Variants in MRPS28 observed in about 807,000 individuals in gnomAD.
MRPS28 encodes the protein mitochondrial ribosomal protein S28, also known as small ribosomal subunit protein bS1m.
Under a neutral mutation model 10.8 loss-of-function variants are expected in MRPS28, and 7 were observed. The observed-to-expected ratio is 0.65, with a 90% CI of 0.37 to 1.22. The LOEUF is 1.22. Among genes scored for constraint, MRPS28 ranks in the 50% most tolerant of loss-of-function variants. The pLI is 0.02. For missense variants in MRPS28, 265 were observed against 232.9 expected, an observed-to-expected ratio of 1.14 and a Z score of -0.90; for synonymous variants, 121 against 93.3, an observed-to-expected ratio of 1.30 and a Z score of -1.71.
chr8:79,958,459 G>A, intron 2 of MRPS28: 1 of 639,070 alleles, frequency 1.6e-6, no homozygotes, highest in Admixed American at 2.7e-5. Context: ...AAAATGTTGA[G>A]ATTCAGAAGA....
chr8:79,958,273 T>C (rs1407305636), intron 2 of MRPS28: 6 of 648,534 alleles, frequency 9.3e-6, no homozygotes, highest in Non-Finnish European at 1.4e-5. Flanking sequence ...TGATCTTTTG[T>C]GAATGGCTTC....
At chr8:79,969,042 C>G (rs906753837) in intron 2 of MRPS28, among the ~76,000 whole-genome samples, 1 of 152,142 alleles carries the variant, frequency 6.6e-6, no homozygotes, top group African/African-American at 2.4e-5. Context: ...AAAACAGTTG[C>G]TCAGACCCTA....
At chr8:80,010,063 A>G (rs1808993807) in intron 1 of MRPS28, among the ~76,000 whole-genome samples, 1 of 152,178 alleles carries the variant, frequency 6.6e-6, no homozygotes, top group Admixed American at 6.5e-5. Context: ...GTTTTGTGCT[A>G]TTCACTTTCC....
At chr8:79,966,771 T>C (rs1807513049) in intron 2 of MRPS28, among the ~76,000 whole-genome samples, 1 of 152,178 alleles carries the variant, frequency 6.6e-6, no homozygotes, top group South Asian at 2.1e-4. Flanking sequence ...AATACTCAAT[T>C]AGCACAGTTC....
intron 2 of MRPS28, among the ~76,000 whole-genome samples, chr8:79,982,074 C>G (rs1257237005): frequency 6.6e-6 from 1 of 151,992 alleles, no homozygotes; most frequent in African/African-American, 2.4e-5. Context: ...TGGTGAAACC[C>G]CATCTCTACT....
At chr8:79,958,171 CT>C in intron 2 of MRPS28, 1 of 497,616 alleles carries the variant, frequency 2.0e-6, no homozygotes, top group East Asian at 3.4e-5. Context: ...TCCCCCTCCC[CT>C]ATTCTAGACT....
chr8:79,965,938 G>A (rs1341145335), intron 2 of MRPS28, among the ~76,000 whole-genome samples: 2 of 151,970 alleles, frequency 1.3e-5, no homozygotes, highest in East Asian at 3.8e-4. Context: ...ATAAGGCTCT[G>A]ATTTTATTCT....
At chr8:79,927,457 T>C (rs1810258832) in intron 2 of MRPS28, among the ~76,000 whole-genome samples, 1 of 131,950 alleles carries the variant, frequency 7.6e-6, no homozygotes, top group Non-Finnish European at 1.6e-5. Context: ...CACTTTCGAC[T>C]ACATTAAGAG....
At chr8:80,005,160 G>C (rs1361900209) in intron 1 of MRPS28, among the ~76,000 whole-genome samples, 1 of 152,116 alleles carries the variant, frequency 6.6e-6, no homozygotes, top group African/African-American at 2.4e-5. Flanking sequence ...TCCTCGAGAA[G>C]AGCAACTCCA....
chr8:79,945,280 T>C (rs931220867), intron 2 of MRPS28, among the ~76,000 whole-genome samples: 2 of 152,312 alleles, frequency 1.3e-5, no homozygotes, highest in Non-Finnish European at 1.5e-5. Flanking sequence ...CATAAGGCAA[T>C]GTATTTATAA....
At chr8:79,928,118 G>A (rs1806348844) in intron 2 of MRPS28, among the ~76,000 whole-genome samples, 1 of 152,078 alleles carries the variant, frequency 6.6e-6, no homozygotes, top group South Asian at 2.1e-4. Context: ...GAGTCCAAGA[G>A]TTTGAAATCA....
chr8:80,028,263 T>C (rs1180205429), intron 1 of MRPS28, among the ~76,000 whole-genome samples: 2 of 152,080 alleles, frequency 1.3e-5, no homozygotes, highest in Non-Finnish European at 2.9e-5. Flanking sequence ...GAGTGAGAAA[T>C]ATTAGGTAAG....
At chr8:80,003,519 T>A (rs1808724781) in intron 1 of MRPS28, among the ~76,000 whole-genome samples, 1 of 151,592 alleles carries the variant, frequency 6.6e-6, no homozygotes, top group Non-Finnish European at 1.5e-5. Context: ...AAATTAGGGG[T>A]TCCAAGATGG....
chr8:79,919,186 A>G (rs372816540), intron 2 of MRPS28, 38 bp from the exon 3 acceptor site: 54 of 1,472,682 alleles, frequency 3.7e-5, no homozygotes, highest in Non-Finnish European at 4.6e-5. Flanking sequence ...TTAATTCTGA[A>G]TATCATAACA....
At chr8:79,960,469 GAT>G (rs1401742362) in intron 2 of MRPS28, among the ~76,000 whole-genome samples, 3 of 152,090 alleles carry the variant, frequency 2.0e-5, no homozygotes, top group Non-Finnish European at 1.5e-5. Flanking sequence ...TTTTCCCAAA[GAT>G]ATGTGTACCA....
At chr8:80,026,163 A>G (rs1014699896) in intron 1 of MRPS28, among the ~76,000 whole-genome samples, 9 of 152,192 alleles carry the variant, frequency 5.9e-5, no homozygotes, top group African/African-American at 1.9e-4. Flanking sequence ...TCATCTTGTA[A>G]TCTCACGATA....
At chr8:80,015,557 C>A (rs1809171970) in intron 1 of MRPS28, among the ~76,000 whole-genome samples, 1 of 152,164 alleles carries the variant, frequency 6.6e-6, no homozygotes, top group Non-Finnish European at 1.5e-5. Context: ...CACTTTCCCT[C>A]CCCACACACC....
intron 2 of MRPS28, among the ~76,000 whole-genome samples, chr8:79,996,844 T>C (rs1374529050): frequency 6.6e-6 from 1 of 152,202 alleles, no homozygotes; most frequent in Non-Finnish European, 1.5e-5. Flanking sequence ...TTACTATATA[T>C]TGTATGATTT....
intron 2 of MRPS28, among the ~76,000 whole-genome samples, chr8:79,950,783 A>G (rs776552799): frequency 6.6e-6 from 1 of 152,234 alleles, no homozygotes; most frequent in Non-Finnish European, 1.5e-5. Context: ...TCAAATGAAT[A>G]AATTTCTGCT....
Sources: gnomAD v4.1 joint callset for allele counts (sites outside exome capture counted in the v4.1 genomes callset) on GRCh38, gnomAD v4.1.1 for gene constraint, MANE v1.5 for transcripts, NCBI Gene and HGNC (gene_info 2026-07-23, HGNC 2026-07-21) for gene names.